The following CYP19A1 variants were observed in gnomAD, a reference collection of about 807,000 sequenced individuals.
CYP19A1 encodes cytochrome P450 family 19 subfamily A member 1.
Under a neutral mutation model 44.4 loss-of-function variants are expected in CYP19A1, and 32 were observed. The observed-to-expected ratio is 0.72, with a 90% CI of 0.54 to 0.97. The LOEUF is 0.97. Ranked by LOEUF, CYP19A1 falls within the 50% of genes least tolerant of loss-of-function variation. The probability of loss-of-function intolerance (pLI) is 0.00; values close to 1 mark genes in which losing one functional copy is unlikely to be tolerated. For synonymous variants in CYP19A1, 212 were observed against 215.6 expected, an observed-to-expected ratio of 0.98 and a Z score of 0.14; for missense variants, 598 against 637.8, an observed-to-expected ratio of 0.94 and a Z score of 0.67.
intron 1 of CYP19A1, among the ~76,000 whole-genome samples, chr15:51,316,904 T>C (rs1356668321): frequency 2.0e-5 from 3 of 152,108 alleles, no homozygotes; most frequent in African/African-American, 7.2e-5. Context: ...AATGCATGCT[T>C]TGCCCTTTTC....
chr15:51,229,936 A>G (rs1482479240), intron 3 of CYP19A1, among the ~76,000 whole-genome samples: 3 of 152,240 alleles, frequency 2.0e-5, no homozygotes, highest in Non-Finnish European at 4.4e-5. Context: ...AACTCCAAAC[A>G]TAAAACAAAC....
At chr15:51,247,179 C>T (rs1049599090) in intron 1 of CYP19A1, among the ~76,000 whole-genome samples, 1 of 152,130 alleles carries the variant, frequency 6.6e-6, no homozygotes, top group Admixed American at 6.5e-5. Context: ...CCGTCAGCCC[C>T]CATGCCCATG....
chr15:51,288,605 T>G (rs2035766707), intron 1 of CYP19A1, among the ~76,000 whole-genome samples: 1 of 152,186 alleles, frequency 6.6e-6, no homozygotes, highest in Non-Finnish European at 1.5e-5. Flanking sequence ...CTCAGCCTCC[T>G]CCTTTGTTCT....
chr15:51,227,826 T>C lies in CYP19A1; in HGVS notation c.404A>G (p.Asn135Ser). Residue 135 changes from asparagine (N) to serine (S), a missense_variant, in exon 4 of 10, where the codon AAC (asparagine) becomes AGC (serine). By Grantham distance (46) the Asn-to-Ser change is conservative. Coordinates refer to ENST00000396402, the MANE Select transcript of CYP19A1 (RefSeq NM_000103.4). ...TGTTTTCCAGAGCTCTGGATTGTTG[T>C]TAAATATGATGCCTTTCTCATGCAT... ...IGMHEKGIIF[N>S]NNPELWKTTR... 1 of 1,544,804 alleles carries C rather than the reference T, an allele frequency of 6.5e-7. No individual in the cohort carries two copies. The highest frequency in any genetic ancestry group is 1.1e-5 in the South Asian group (1 of 89,688).
chr15:51,243,186 GCTTGGT>G (rs2033880696), intron 1 of CYP19A1: 1 of 430,518 alleles, frequency 2.3e-6, no homozygotes, highest in Non-Finnish European at 4.3e-6. Context: ...TCCTTTAGAC[GCTTGGT>G]CTGATAGAAC....
intron 1 of CYP19A1, among the ~76,000 whole-genome samples, chr15:51,283,295 C>T (rs1035404758): frequency 2.0e-5 from 3 of 152,198 alleles, no homozygotes; most frequent in African/African-American, 7.2e-5. Flanking sequence ...CTTCTCTCTC[C>T]CATTAATGGG....
intron 4 of CYP19A1, among the ~76,000 whole-genome samples, chr15:51,226,275 C>G (rs2032571337): frequency 6.6e-6 from 1 of 152,038 alleles, no homozygotes; most frequent in Admixed American, 6.6e-5. Context: ...GCCTCTAGAG[C>G]TGGAAAAGAC....
At chr15:51,244,630 T>C (rs561030284) in intron 1 of CYP19A1, among the ~76,000 whole-genome samples, 59 of 152,352 alleles carry the variant, frequency 3.9e-4, no homozygotes, top group Non-Finnish European at 4.9e-4. Context: ...TTTCTGACAG[T>C]TGGGACCCTT....
chr15:51,317,691 G>C (rs2036453177), intron 1 of CYP19A1, among the ~76,000 whole-genome samples: 1 of 152,226 alleles, frequency 6.6e-6, no homozygotes, highest in South Asian at 2.1e-4. Flanking sequence ...GGGAGCTGTG[G>C]TGAGGGAATA....
chr15:51,286,171 C>G (rs914657441), intron 1 of CYP19A1, among the ~76,000 whole-genome samples: 4 of 152,196 alleles, frequency 2.6e-5, no homozygotes, highest in South Asian at 2.1e-4. Flanking sequence ...CTCTACTCCT[C>G]TCTCCTGCTG....
chr15:51,302,239 A>G (rs1165413836), intron 1 of CYP19A1, among the ~76,000 whole-genome samples: 2 of 152,208 alleles, frequency 1.3e-5, no homozygotes, highest in Non-Finnish European at 2.9e-5. Context: ...TGTAAATTCA[A>G]TTGAGCAGTC....
rs71426072 is a variant in CYP19A1 at position 51,295,136 on chromosome 15, GTTTTTT to G, written c.-39+43353_-39+43358del. On this transcript the variant is annotated intron_variant, in intron 1 of 9. Transcript: ENST00000396402. ...TGGGCTTGGAGCGAATTAACAACGT[GTTTTTT>G]TTTTTTTTTTTTTAATTAATTTGAG... Among the ~76,000 whole-genome samples, 195 of 131,418 alleles carry G rather than the reference GTTTTTT, an allele frequency of 1.5e-3. 2 individuals carry two copies. Among genetic ancestry groups the G allele is most frequent in the African/African-American group, 4.9e-3 (183 of 37,514 alleles). 86.2% of individuals were successfully genotyped at this position (131,418 alleles called of 152,430 possible).
At chr15:51,327,373 T>C (rs928604277) in intron 1 of CYP19A1, among the ~76,000 whole-genome samples, 5 of 152,184 alleles carry the variant, frequency 3.3e-5, no homozygotes, top group Admixed American at 1.3e-4. Flanking sequence ...CAGTCTCCTG[T>C]GTTTGATTTC....
At chr15:51,256,767 C>T (rs975690473) in intron 1 of CYP19A1, among the ~76,000 whole-genome samples, 2 of 152,138 alleles carry the variant, frequency 1.3e-5, no homozygotes, top group Non-Finnish European at 2.9e-5. Context: ...ATGTTTGCTC[C>T]TCAGTAAGTG....
chr15:51,324,566 G>A (rs945467737), intron 1 of CYP19A1, among the ~76,000 whole-genome samples: 1 of 152,228 alleles, frequency 6.6e-6, no homozygotes, highest in East Asian at 1.9e-4. Context: ...GCTCCTGGCT[G>A]GTTGAGAATG....
At chr15:51,269,257 C>T (rs1389847650) in intron 1 of CYP19A1, among the ~76,000 whole-genome samples, 1 of 151,984 alleles carries the variant, frequency 6.6e-6, no homozygotes, top group East Asian at 1.9e-4. Context: ...ATATCCAGCA[C>T]CGTTTTTTTG....
At chr15:51,235,276 A>T (rs1210407068) in intron 3 of CYP19A1, among the ~76,000 whole-genome samples, 1 of 152,232 alleles carries the variant, frequency 6.6e-6, no homozygotes, top group Non-Finnish European at 1.5e-5. Flanking sequence ...CTCAAACTCA[A>T]GTGTGCAGCA....
In CYP19A1 at chr15:51,242,561, A is replaced by G. The variant is rs143250867; in HGVS notation, c.145+207T>C. Among the ~76,000 whole-genome samples the G allele has an allele frequency of 8.5e-5, 13 of 152,264 alleles. No homozygotes were observed. In the East Asian group the frequency reaches 2.5e-3, roughly 30 times the overall value. On this transcript the variant is annotated intron_variant, in intron 2 of 9. Coordinates refer to ENST00000396402, the MANE Select transcript of CYP19A1 (RefSeq NM_000103.4). ...CAGCACAGAGTGGAAGGGTTTATCT[A>G]AGATATTTTTTAAGTGCTTTCATTT... is the stretch of plus-strand genomic sequence containing the variant.
At chr15:51,236,803 G>C in intron 3 of CYP19A1, 56 bp downstream of exon 3, 1 of 1,605,530 alleles carries the variant, frequency 6.2e-7, no homozygotes, top group Non-Finnish European at 8.5e-7. Flanking sequence ...TGTCTTAAGT[G>C]GAAAAAACTC....
Sources: allele counts gnomAD v4.1 joint callset (sites outside exome capture counted in the v4.1 genomes callset), GRCh38; gene constraint gnomAD v4.1.1; transcripts MANE v1.5; gene names NCBI Gene and HGNC (gene_info 2026-07-23, HGNC 2026-07-21).